KAZN: variants seen among roughly 807,000 people sequenced by gnomAD.
The protein encoded by KAZN is kazrin.
KAZN carries 40 observed loss-of-function variants against 87.4 expected under a neutral mutation model. The observed-to-expected ratio is 0.46, with a 90% CI of 0.36 to 0.60. KAZN has a LOEUF of 0.60. KAZN is among the 20% of genes least tolerant of loss of function. The pLI is 0.00. For synonymous variants in KAZN, 466 were observed against 458.3 expected (o/e 1.02, Z -0.22); for missense variants, 898 against 1,073.9 (o/e 0.84, Z 2.29).
At chr1:14,076,009 C>T (rs1327336431) in intron 1 of KAZN, among the ~76,000 whole-genome samples, 2 of 152,104 alleles carry the variant, frequency 1.3e-5, no homozygotes, top group Non-Finnish European at 2.9e-5. Flanking sequence ...AGACTGGGCG[C>T]GGTGGCTCAT....
At chr1:14,165,196 T>A (rs1645799740) in intron 1 of KAZN, among the ~76,000 whole-genome samples, 2 of 151,990 alleles carry the variant, frequency 1.3e-5, no homozygotes, top group Non-Finnish European at 1.5e-5. Flanking sequence ...CTTTCCTGCC[T>A]CTTTAGGACA....
At chr1:13,958,573 CAA>C (rs34636758) in intron 1 of KAZN, among the ~76,000 whole-genome samples, 1 of 131,926 alleles carries the variant, frequency 7.6e-6, no homozygotes, top group Non-Finnish European at 1.6e-5. Flanking sequence ...GACTCCATCT[CAA>C]AAAAAAAAAA....
At chr1:14,089,387 GATTA>G (rs1461400684) in intron 1 of KAZN, among the ~76,000 whole-genome samples, 1 of 151,818 alleles carries the variant, frequency 6.6e-6, no homozygotes, top group African/African-American at 2.4e-5. Flanking sequence ...TCTTCTTGTG[GATTA>G]ATTCAGTATT....
intron 1 of KAZN, among the ~76,000 whole-genome samples, chr1:14,948,580 A>G (rs1662109866): frequency 6.6e-6 from 1 of 152,168 alleles, no homozygotes; most frequent in Non-Finnish European, 1.5e-5. Context: ...GGGCTCCTGA[A>G]AGGGAAATGG....
intron 1 of KAZN, among the ~76,000 whole-genome samples, chr1:14,041,271 C>T (rs899976777): frequency 6.6e-5 from 10 of 152,176 alleles, no homozygotes; most frequent in Admixed American, 5.2e-4. Context: ...TATAATTCCA[C>T]GTTTTGTTGT....
At chr1:13,998,496 C>T (rs10927986) in intron 1 of KAZN, among the ~76,000 whole-genome samples, 22,030 of 151,840 alleles carry the variant, frequency 0.15, 1,707 homozygotes, top group Middle Eastern at 0.23. Context: ...TGTGCAAAGA[C>T]ACACATAGGC....
intron 2 of KAZN, among the ~76,000 whole-genome samples, chr1:14,263,999 A>T (rs915403466): frequency 7.2e-5 from 11 of 152,276 alleles, no homozygotes; most frequent in African/African-American, 2.6e-4. Flanking sequence ...CCCCTGTTGC[A>T]TTAATTTTTA....
chr1:14,446,602 T>C (rs1171940155), intron 2 of KAZN, among the ~76,000 whole-genome samples: 1 of 152,164 alleles, frequency 6.6e-6, no homozygotes, highest in East Asian at 1.9e-4. Flanking sequence ...CAGTCACCTA[T>C]CTCACTCGAG....
intron 2 of KAZN, among the ~76,000 whole-genome samples, chr1:14,980,007 G>A (rs1210826842): frequency 6.6e-6 from 1 of 152,136 alleles, no homozygotes; most frequent in Non-Finnish European, 1.5e-5. Flanking sequence ...TCCTGTCTCA[G>A]CCTCCTGAGT....
At chr1:14,069,656 G>A (rs749451624) in intron 1 of KAZN, among the ~76,000 whole-genome samples, 2 of 152,268 alleles carry the variant, frequency 1.3e-5, no homozygotes, top group African/African-American at 2.4e-5. Context: ...TCAGCTTAGC[G>A]TACTCATCTT....
intron 1 of KAZN, among the ~76,000 whole-genome samples, chr1:14,816,546 C>A (rs1199450066): frequency 6.6e-6 from 1 of 151,984 alleles, no homozygotes; most frequent in East Asian, 1.9e-4. Flanking sequence ...CTTCATGGCA[C>A]CAGCAAGGAG....
chr1:14,817,503 T>C (rs965300110), intron 1 of KAZN, among the ~76,000 whole-genome samples: 2 of 152,202 alleles, frequency 1.3e-5, no homozygotes, highest in African/African-American at 2.4e-5. Flanking sequence ...AACATTACTA[T>C]GGCCACCTTC....
intron 2 of KAZN, among the ~76,000 whole-genome samples, chr1:14,182,849 A>G: frequency 6.6e-6 from 1 of 152,140 alleles, no homozygotes; most frequent in African/African-American, 2.4e-5. Context: ...TAGAATGTAG[A>G]TATAACTTAT....
intron 1 of KAZN, among the ~76,000 whole-genome samples, chr1:13,928,657 A>G (rs984105049): frequency 2.0e-5 from 3 of 152,216 alleles, no homozygotes; most frequent in African/African-American, 4.8e-5. Context: ...TGAATAAAAT[A>G]TTGATCCAGC....
intron 2 of KAZN, among the ~76,000 whole-genome samples, chr1:14,557,658 GT>G (rs1169309807): frequency 8.9e-4 from 128 of 143,336 alleles, no homozygotes; most frequent in African/African-American, 2.8e-3. Flanking sequence ...GTGTGTGTGT[GT>G]GTGTGTGGTG....
At chr1:13,935,252 G>GTAGTAGTAGTAGTAATAATAATAATAA (rs1553175647) in intron 1 of KAZN, among the ~76,000 whole-genome samples, 17 of 147,072 alleles carry the variant, frequency 1.2e-4, no homozygotes, top group African/African-American at 4.3e-4. Context: ...AGTAGTAGTA[G>GTAGTAGTAGTAGTAATAATAATAATAA]TAATAATAAT....
intron 2 of KAZN, among the ~76,000 whole-genome samples, chr1:15,000,216 CAG>C (rs1668329195): frequency 1.3e-5 from 2 of 151,818 alleles, no homozygotes; most frequent in African/African-American, 4.9e-5. Flanking sequence ...GGCTAGAGGA[CAG>C]GGCCAGCAGC....
chr1:14,509,485 G>A (rs1456703210), intron 2 of KAZN, among the ~76,000 whole-genome samples: 1 of 152,220 alleles, frequency 6.6e-6, no homozygotes, highest in Admixed American at 6.5e-5. Context: ...CTTTACGCAT[G>A]TGAAGCCTCC....
intron 8 of KAZN, among the ~76,000 whole-genome samples, chr1:15,090,738 CA>C (rs1384718387): frequency 5.3e-5 from 8 of 152,252 alleles, no homozygotes; most frequent in Non-Finnish European, 1.2e-4. Flanking sequence ...CCTCTCAACC[CA>C]TACTTGTCCC....
Sources: allele counts gnomAD v4.1 joint callset (sites outside exome capture counted in the v4.1 genomes callset), GRCh38; gene constraint gnomAD v4.1.1; transcripts MANE v1.5; gene names NCBI Gene and HGNC (gene_info 2026-07-23, HGNC 2026-07-21).